Variants in PEX12 observed in about 807,000 individuals in gnomAD.
PEX12 encodes peroxisome assembly protein 12.
Under a neutral mutation model 32.5 loss-of-function variants are expected in PEX12, and 31 were observed. That is an observed-to-expected ratio of 0.95 (90% CI 0.72 to 1.29). The LOEUF (loss-of-function observed/expected upper bound fraction) is 1.29. PEX12 is among the 50% of genes most tolerant of loss of function. The pLI is 0.00. For synonymous variants in PEX12, 148 were observed against 157.2 expected (o/e 0.94, Z 0.44); for missense variants, 359 against 419.0 (o/e 0.86, Z 1.25).
At chr17:35,577,842 C>T in intron 1 of PEX12, 54 bp downstream of exon 1, 1 of 1,609,616 alleles carries the variant, frequency 6.2e-7, no homozygotes, top group Non-Finnish European at 8.5e-7. Flanking sequence ...ACAAATTATT[C>T]GTTTGTTTTT....
Position 35,578,203 on chromosome 17 carries a change from G to A in PEX12, c.-182C>T. The stretch of plus-strand genomic sequence containing the variant: ...ACTGGGAAAAAAAGACCTGGAGGCC[G>A]AGGGTAGTCTCAAGAAGGTTAAGAA... On this transcript the variant is annotated 5_prime_UTR_variant, in exon 1 of 3. Coordinates refer to ENST00000225873, the MANE Select transcript of PEX12 (RefSeq NM_000286.3). 1 of 706,088 alleles carries A rather than the reference G, an allele frequency of 1.4e-6. No homozygotes were observed. Among genetic ancestry groups the A allele is most frequent in the Non-Finnish European group, 2.4e-6 (1 of 410,960 alleles). 43.7% of individuals were successfully genotyped at this position (706,088 alleles called of 1,614,324 possible). A position where few individuals can be genotyped will look rare whatever the true frequency, so the allele number is the denominator to read the frequency against.
rs2072793873 is a variant in PEX12 at position 35,577,518 on chromosome 17, T to C, written c.200A>G (p.Asp67Gly). Residue 67 changes from aspartate (D) to glycine (G), a missense_variant, in exon 2 of 3, where the codon GAT (aspartate) becomes GGT (glycine). Physicochemically the swap from Asp to Gly is moderately conservative, Grantham distance 94 (BLOSUM62 -1). Transcript: ENST00000225873. ...CAGATAATGTTGCTGGAGCAGAAGA[T>C]CTAGCAGAGTAAAGATTTCATCAAA... is the stretch of plus-strand genomic sequence containing the variant. The part of the protein sequence containing the change: ...RWFDEIFTLL[D>G]LLLQQHYLSR... The C allele has an allele frequency of 6.2e-7, 1 of 1,613,904 alleles. No homozygotes were observed. The highest frequency in any genetic ancestry group is 2.2e-5 in the East Asian group (1 of 44,892).
chr17:35,578,208 T>C lies in PEX12; in HGVS notation c.-187A>G, dbSNP rs540759474. Reference sequence around the variant, plus strand: ...GAAAAAAAGACCTGGAGGCCGAGGGTAGTCTCAAGAAGGTTAAGAACAAAG... The same window carrying C: ...GAAAAAAAGACCTGGAGGCCGAGGGCAGTCTCAAGAAGGTTAAGAACAAAG... On this transcript the variant is annotated 5_prime_UTR_variant, in exon 1 of 3. Transcript: ENST00000225873. The C allele has an allele frequency of 2.8e-5, 19 of 678,472 alleles. No homozygotes were observed. Among genetic ancestry groups the C allele is most frequent in the Non-Finnish European group, 4.6e-5 (18 of 391,114 alleles). The allele number at this position is 678,472 out of a possible 1,614,324, so 42.0% of individuals were successfully genotyped here.
intron 2 of PEX12, among the ~76,000 whole-genome samples, chr17:35,576,456 C>CTCT (rs1009222063): frequency 6.7e-6 from 1 of 149,694 alleles, no homozygotes; most frequent in African/African-American, 2.5e-5. Flanking sequence ...TTATATAGAC[C>CTCT]TCCCTTTTTT....
chr17:35,575,240 TCA>T lies in PEX12; in HGVS notation c.*540_*541del, dbSNP rs2072777623. On this transcript the variant is annotated 3_prime_UTR_variant, in exon 3 of 3. Transcript: ENST00000225873. ...CAATAGATGTCACTTAACAAATGTCTCACAGTATATGGAAGGAGCTTTTTTCC... is the reference window on the plus strand; with the variant it reads ...CAATAGATGTCACTTAACAAATGTCTCAGTATATGGAAGGAGCTTTTTTCC... 6.4e-6 allele frequency: 1 copy of T among 155,658 alleles called. No individual in the cohort carries two copies. Among genetic ancestry groups the T allele is most frequent in the Non-Finnish European group, 1.4e-5 (1 of 70,054 alleles). 9.6% of individuals were successfully genotyped at this position (155,658 alleles called of 1,614,324 possible).
In PEX12 at chr17:35,576,108, A is replaced by G; in HGVS notation, c.754T>C (p.Ser252Pro). The G allele has an allele frequency of 6.2e-7, 1 of 1,614,220 alleles. No individual in the cohort carries two copies. The highest frequency in any genetic ancestry group is 8.5e-7 in the Non-Finnish European group (1 of 1,180,012). ...AACTGCAAGAAGAATACACCCACAG[A>G]AAGGCCAGTAGACAGGGATAAGGCA... ...GVALSLSTGL[S>P]VGVFFLQFLD... is the part of the protein sequence containing the mutation. The change falls in exon 3 of 3, where the codon TCT becomes CCT. Residue 252 changes from serine to proline, a missense_variant. Transcript: ENST00000225873.
rs2142230380 is a variant in PEX12, at chr17:35,577,028, A to G, written c.680+10T>C. ...TAACTAAAGATCTTTTGGAAATGTT[A>G]AGGCCTTACCTCCTGGCTGGTTGCT... On this transcript the variant is annotated intron_variant, in intron 2 of 2. Coordinates refer to ENST00000225873, the MANE Select transcript of PEX12 (RefSeq NM_000286.3). 1 of 1,613,062 alleles carries G rather than the reference A, an allele frequency of 6.2e-7. No individual in the cohort carries two copies. The highest frequency in any genetic ancestry group is 8.5e-7 in the Non-Finnish European group (1 of 1,179,650).
Position 35,575,216 on chromosome 17 carries a change from AAT to A in PEX12, c.*564_*565del. 6.4e-6 allele frequency: 1 copy of A among 155,402 alleles called. No individual in the cohort carries two copies. Among genetic ancestry groups the A allele is most frequent in the East Asian group, 2.0e-4 (1 of 5,116 alleles). 9.6% of individuals were successfully genotyped at this position (155,402 alleles called of 1,614,324 possible). On this transcript the variant is annotated 3_prime_UTR_variant, in exon 3 of 3. Transcript: ENST00000225873. Reference sequence around the variant, plus strand: ...TTTTTATCCTTAAAAGCTGATAAACAATAGATGTCACTTAACAAATGTCTCAC... The same window carrying A: ...TTTTTATCCTTAAAAGCTGATAAACAAGATGTCACTTAACAAATGTCTCAC...
In PEX12 at chr17:35,575,602, G is replaced by A; in HGVS notation, c.*180C>T. ...GGTCAACTGTAAGTAGGGTTCTAGA[G>A]AGCAGGCTAAAAGGTTAGGATCAAA... On this transcript the variant is annotated 3_prime_UTR_variant, in exon 3 of 3. Transcript: ENST00000225873. The A allele has an allele frequency of 1.5e-6, 1 of 672,308 alleles. No individual in the cohort carries two copies. Among genetic ancestry groups the A allele is most frequent in the South Asian group, 1.7e-5 (1 of 58,630 alleles). The allele number at this position is 672,308 out of a possible 1,614,324, so 41.6% of individuals were successfully genotyped here. A position where few individuals can be genotyped will look rare whatever the true frequency, so the allele number is the denominator to read the frequency against.
In PEX12 at chr17:35,575,533, C is replaced by T; in HGVS notation, c.*249G>A. On this transcript the variant is annotated 3_prime_UTR_variant, in exon 3 of 3. Transcript: ENST00000225873. The stretch of plus-strand genomic sequence containing the variant: ...ATTCTGTTTAATCTCTACACTGGCC[C>T]TCATATCCCCTGCCAGTCCTGATCC... 1.9e-6 allele frequency: 1 copy of T among 523,726 alleles called. No individual in the cohort carries two copies. Among genetic ancestry groups the T allele is most frequent in the Non-Finnish European group, 3.5e-6 (1 of 287,798 alleles). The allele number at this position is 523,726 out of a possible 1,614,324, so 32.4% of individuals were successfully genotyped here.
At position 35,576,151 on chromosome 17, in the gene PEX12, C is replaced by G. The variant is rs1331678040; in HGVS notation, c.711G>C (p.Lys237Asn). 6.2e-7 allele frequency: 1 copy of G among 1,614,118 alleles called. No individual in the cohort carries two copies. The highest frequency in any genetic ancestry group is 1.3e-5 in the African/African-American group (1 of 75,034). ...SVSEKINSAL[K>N]KAVGGVALSL... ...ATAAGGCAACACCCCCAACAGCTTT[C>G]TTCAGAGCTGAGTTTATCTTCTCAC... Residue 237 changes from lysine to asparagine, a missense_variant, in exon 3 of 3, where the codon AAG becomes AAC. Transcript: ENST00000225873.
At position 35,575,426 on chromosome 17, in the gene PEX12, G is replaced by A. The variant is rs987184149; in HGVS notation, c.*356C>T. ...TCACTGTTCACTTTATTTTTTATGC[G>A]GTCTAACCTGGGTTTTTCGTAAGAG... On this transcript the variant is annotated 3_prime_UTR_variant, in exon 3 of 3. Coordinates refer to ENST00000225873, the MANE Select transcript of PEX12 (RefSeq NM_000286.3). 9.2e-5 allele frequency: 20 copies of A among 218,464 alleles called. No homozygotes were observed. The highest frequency in any genetic ancestry group is 3.2e-4 in the African/African-American group (14 of 43,628). The allele number at this position is 218,464 out of a possible 1,614,324, so 13.5% of individuals were successfully genotyped here. A position where few individuals can be genotyped will look rare whatever the true frequency, so the allele number is the denominator to read the frequency against.
intron 1 of PEX12, 132 bp from the exon 2 acceptor site, chr17:35,577,723 G>A: frequency 3.1e-6 from 4 of 1,272,100 alleles, no homozygotes; most frequent in Non-Finnish European, 4.5e-6. Flanking sequence ...TGAAATGCTG[G>A]GTATTCAGTA....
rs758276967 is a variant in PEX12, at chr17:35,575,733, G to C, written c.*49C>G. Reference sequence around the variant, plus strand: ...AATACCATGCTGAAACCAGCTCTGTGACATTACAGCGCAATACTTTTGTTG... The same window carrying C: ...AATACCATGCTGAAACCAGCTCTGTCACATTACAGCGCAATACTTTTGTTG... On this transcript the variant is annotated 3_prime_UTR_variant, in exon 3 of 3. Transcript: ENST00000225873. The C allele has an allele frequency of 1.2e-5, 18 of 1,560,392 alleles. No homozygotes were observed. Among genetic ancestry groups the C allele is most frequent in the Non-Finnish European group, 1.5e-5 (17 of 1,131,262 alleles).
Position 35,575,554 on chromosome 17 carries a change from G to C in PEX12, c.*228C>G, listed in dbSNP as rs570189667. The stretch of plus-strand genomic sequence containing the variant: ...GGCCCTCATATCCCCTGCCAGTCCT[G>C]ATCCTTCTACTTTAAGCAGCTTGGT... On this transcript the variant is annotated 3_prime_UTR_variant, in exon 3 of 3. Coordinates refer to ENST00000225873, the MANE Select transcript of PEX12 (RefSeq NM_000286.3). The C allele has an allele frequency of 2.8e-5, 16 of 564,736 alleles. No homozygotes were observed. The South Asian group carries it at 2.9e-4, about 10-fold the overall frequency. 35.0% of individuals were successfully genotyped at this position (564,736 alleles called of 1,614,324 possible). A position where few individuals can be genotyped will look rare whatever the true frequency, so the allele number is the denominator to read the frequency against.
rs2072777477 is a variant in PEX12 at position 35,575,227 on chromosome 17, C to G, written c.*555G>C. 6.5e-6 allele frequency: 1 copy of G among 154,918 alleles called. No homozygotes were observed. Among genetic ancestry groups the G allele is most frequent in the East Asian group, 2.0e-4 (1 of 5,038 alleles). 9.6% of individuals were successfully genotyped at this position (154,918 alleles called of 1,614,324 possible). A position where few individuals can be genotyped will look rare whatever the true frequency, so the allele number is the denominator to read the frequency against. ...AAAAGCTGATAAACAATAGATGTCA[C>G]TTAACAAATGTCTCACAGTATATGG... is the stretch of plus-strand genomic sequence containing the variant. On this transcript the variant is annotated 3_prime_UTR_variant, in exon 3 of 3. Coordinates refer to ENST00000225873, the MANE Select transcript of PEX12 (RefSeq NM_000286.3).
rs986848130 is a variant in PEX12, at chr17:35,577,268, G to T, written c.450C>A (p.Ser150=). The change falls in exon 2 of 3, where the codon TCC becomes TCA. Residue 150 remains serine, a synonymous_variant. Transcript: ENST00000225873. ...EDEYSIHPPS[S]RWKRFYRAFL... ...AAGCTCTGTAAAATCGTTTCCAGCG[G>T]GAAGAAGGGGGATGAATAGAATATT... is the stretch of plus-strand genomic sequence containing the variant. 3 of 1,614,120 alleles carry T rather than the reference G, an allele frequency of 1.9e-6. No homozygotes were observed. Among genetic ancestry groups the T allele is most frequent in the African/African-American group, 2.7e-5 (2 of 75,022 alleles).
At chr17:35,576,945 C>T (rs2142230321) in intron 2 of PEX12, 93 bp downstream of exon 2, 1 of 1,084,254 alleles carries the variant, frequency 9.2e-7, no homozygotes, top group East Asian at 2.4e-5. Flanking sequence ...CTATGAAATG[C>T]CACAAAGTTA....
In PEX12 at chr17:35,575,975, A is replaced by C; in HGVS notation, c.887T>G (p.Leu296Arg). The change falls in exon 3 of 3, where the codon CTC (leucine) becomes CGC (arginine). Residue 296 changes from leucine to arginine, a missense_variant. By Grantham distance (102) the Leu-to-Arg change is moderately radical. Transcript: ENST00000225873. Reference protein sequence around the residue: ...VHLDYNSDSPLLPKMKTVCPL... With the variant: ...VHLDYNSDSPRLPKMKTVCPL... ...GCACACAGTCTTCATTTTGGGTAAG[A>C]GGGGAGAATCAGAGTTATAGTCTAG... 1 of 1,614,062 alleles carries C rather than the reference A, an allele frequency of 6.2e-7. No individual in the cohort carries two copies. The highest frequency in any genetic ancestry group is 1.1e-5 in the South Asian group (1 of 91,092).
Sources: allele counts gnomAD v4.1 joint callset (sites outside exome capture counted in the v4.1 genomes callset), GRCh38; gene constraint gnomAD v4.1.1; transcripts MANE v1.5; gene names NCBI Gene and HGNC (gene_info 2026-07-23, HGNC 2026-07-21).